RBMS3: variants seen among roughly 807,000 people sequenced by gnomAD.
RBMS3 encodes the protein RNA-binding motif, single-stranded-interacting protein 3.
Under a neutral mutation model 66.8 loss-of-function variants are expected in RBMS3, and 27 were observed. That is an observed-to-expected ratio of 0.40 (90% CI 0.30 to 0.56). The LOEUF (loss-of-function observed/expected upper bound fraction) is 0.56. RBMS3 is among the 20% of genes least tolerant of loss of function. RBMS3 has a pLI of 0.40. For synonymous variants in RBMS3, 188 were observed against 183.0 expected (o/e 1.03, Z -0.22); for missense variants, 513 against 549.5 (o/e 0.93, Z 0.66).
intron 3 of RBMS3, among the ~76,000 whole-genome samples, chr3:29,510,016 G>C (rs972767290): frequency 6.6e-6 from 1 of 152,216 alleles, no homozygotes; most frequent in African/African-American, 2.4e-5. Context: ...TTTTGGCTGT[G>C]ATTAGAAACT....
intron 4 of RBMS3, among the ~76,000 whole-genome samples, chr3:29,697,523 C>G (rs933089337): frequency 6.6e-6 from 1 of 152,188 alleles, no homozygotes; most frequent in South Asian, 2.1e-4. Flanking sequence ...ATCTAATATT[C>G]TGCTTTTCAA....
intron 4 of RBMS3, among the ~76,000 whole-genome samples, chr3:29,708,064 G>T (rs2052991236): frequency 6.6e-6 from 1 of 152,186 alleles, no homozygotes; most frequent in Admixed American, 6.5e-5. Flanking sequence ...AGAGTATCAT[G>T]CCTTTTGCAA....
chr3:29,835,997 G>A (rs568106010), intron 6 of RBMS3, among the ~76,000 whole-genome samples: 2 of 151,758 alleles, frequency 1.3e-5, no homozygotes, highest in African/African-American at 4.8e-5. Context: ...ACAATTATAT[G>A]GCAACAAATT....
chr3:29,341,986 C>T (rs972045923), intron 1 of RBMS3, among the ~76,000 whole-genome samples: 7 of 152,100 alleles, frequency 4.6e-5, no homozygotes, highest in African/African-American at 1.7e-4. Flanking sequence ...ACCCCTCTTG[C>T]TTGATCTTCA....
At chr3:29,918,471 A>G (rs1328820472) in intron 10 of RBMS3, among the ~76,000 whole-genome samples, 1 of 152,098 alleles carries the variant, frequency 6.6e-6, no homozygotes, top group Non-Finnish European at 1.5e-5. Context: ...AAAACCTTTG[A>G]TCTGACAGGC....
At chr3:29,946,954 G>C (rs553866063) in intron 12 of RBMS3, among the ~76,000 whole-genome samples, 1 of 151,658 alleles carries the variant, frequency 6.6e-6, no homozygotes, top group South Asian at 2.1e-4. Context: ...GGTGAAGTGA[G>C]GAAAAGGATA....
At chr3:29,897,553 A>C in intron 9 of RBMS3, 78 bp downstream of exon 9, 1 of 1,318,698 alleles carries the variant, frequency 7.6e-7, no homozygotes. Context: ...AGGACACAGT[A>C]GAATGAAAAG....
intron 5 of RBMS3, 117 bp downstream of exon 5, chr3:29,739,994 A>G: frequency 1.3e-6 from 1 of 799,448 alleles, no homozygotes; most frequent in Non-Finnish European, 1.8e-6. Context: ...AAAAAAATTA[A>G]AAGTAGCTTA....
intron 1 of RBMS3, among the ~76,000 whole-genome samples, chr3:29,424,797 C>A (rs888064922): frequency 3.3e-5 from 5 of 152,018 alleles, no homozygotes; most frequent in Admixed American, 3.3e-4. Flanking sequence ...GTAACCAAAT[C>A]AGTAATATGA....
intron 4 of RBMS3, among the ~76,000 whole-genome samples, chr3:29,651,479 G>A (rs1474894604): frequency 2.0e-5 from 3 of 152,052 alleles, no homozygotes; most frequent in Non-Finnish European, 2.9e-5. Flanking sequence ...AAAGCTGAAA[G>A]GTCACTTGTG....
At chr3:29,540,476 T>C (rs1206354542) in intron 3 of RBMS3, among the ~76,000 whole-genome samples, 1 of 152,214 alleles carries the variant, frequency 6.6e-6, no homozygotes, top group Admixed American at 6.5e-5. Context: ...CTGATGTGTT[T>C]GTAACATCCT....
chr3:29,537,030 T>C (rs1261734079), intron 3 of RBMS3, among the ~76,000 whole-genome samples: 1 of 152,248 alleles, frequency 6.6e-6, no homozygotes, highest in Non-Finnish European at 1.5e-5. Flanking sequence ...TCATGTGTGC[T>C]TTCTTTCTTG....
chr3:29,638,616 G>A (rs369964311), intron 4 of RBMS3, among the ~76,000 whole-genome samples: 19 of 151,900 alleles, frequency 1.3e-4, no homozygotes, highest in African/African-American at 4.3e-4. Flanking sequence ...AATTCTTGCC[G>A]TCCTGGAACT....
At chr3:29,895,355 A>G (rs763328731) in intron 8 of RBMS3, among the ~76,000 whole-genome samples, 1 of 151,490 alleles carries the variant, frequency 6.6e-6, no homozygotes, top group Non-Finnish European at 1.5e-5. Context: ...ACATACAATC[A>G]TGTAACCACC....
intron 4 of RBMS3, among the ~76,000 whole-genome samples, chr3:29,650,279 C>CTTTTT (rs560594950): frequency 4.0e-4 from 38 of 96,186 alleles, no homozygotes; most frequent in East Asian, 8.7e-4. Context: ...TCCTTTCTTT[C>CTTTTT]TTTTTTTTTT....
chr3:29,786,855 C>A (rs1248906826), intron 6 of RBMS3, among the ~76,000 whole-genome samples: 1 of 152,114 alleles, frequency 6.6e-6, no homozygotes, highest in Admixed American at 6.5e-5. Flanking sequence ...TTTAATTAAA[C>A]TAAAAAGCTT....
chr3:29,690,893 G>T (rs2051973931), intron 4 of RBMS3, among the ~76,000 whole-genome samples: 1 of 152,138 alleles, frequency 6.6e-6, no homozygotes, highest in African/African-American at 2.4e-5. Context: ...TTAACTCATG[G>T]AACTGAAAAT....
chr3:29,555,185 A>C (rs2046313050), intron 3 of RBMS3, among the ~76,000 whole-genome samples: 1 of 152,218 alleles, frequency 6.6e-6, no homozygotes, highest in African/African-American at 2.4e-5. Flanking sequence ...GTGCTAGATG[A>C]ATGAATCAGA....
At chr3:29,884,883 G>T (rs1208815825) in intron 8 of RBMS3, among the ~76,000 whole-genome samples, 2 of 151,814 alleles carry the variant, frequency 1.3e-5, no homozygotes, top group Non-Finnish European at 2.9e-5. Flanking sequence ...TTGGTTGGTT[G>T]CTTATTTCCT....
Sources: allele counts gnomAD v4.1 joint callset (sites outside exome capture counted in the v4.1 genomes callset), GRCh38; gene constraint gnomAD v4.1.1; transcripts MANE v1.5; gene names NCBI Gene and HGNC (gene_info 2026-07-23, HGNC 2026-07-21).